The following TSHZ3 variants were observed in gnomAD, a reference collection of about 807,000 sequenced individuals.
TSHZ3 encodes teashirt homolog 3.
In TSHZ3, 10 loss-of-function variants were observed where a neutral mutation model predicts 64.5. That is an observed-to-expected ratio of 0.16 (90% CI 0.10 to 0.26). The LOEUF (loss-of-function observed/expected upper bound fraction) is 0.26. Ranked by LOEUF, TSHZ3 falls within the 10% of genes least tolerant of loss-of-function variation. The pLI, the probability that TSHZ3 is intolerant of heterozygous loss-of-function variation, is 1.00. For missense variants in TSHZ3, 1,242 were observed against 1,421.7 expected, an observed-to-expected ratio of 0.87 and a Z score of 2.03; for synonymous variants, 608 against 593.1, an observed-to-expected ratio of 1.03 and a Z score of -0.36.
Position 31,257,550 on chromosome 19 carries a change from TG to T in TSHZ3, n.64-14676del, listed in dbSNP as rs1975928262. ...CCCAGGACCCCTCTGGAGGACCCCG[TG>T]AAATGACTCCAAATTATCCACTCTG... On this transcript the variant is annotated intron_variant and non_coding_transcript_variant, in intron 1 of 6. Coordinates refer to the TSHZ3 transcript ENST00000651361. Among the ~76,000 whole-genome samples, 5 of 152,300 alleles carry T rather than the reference TG, an allele frequency of 3.3e-5. No homozygotes were observed. In the South Asian group the frequency reaches 1.0e-3, roughly 32 times the overall value.
intron 1 of TSHZ3, among the ~76,000 whole-genome samples, chr19:31,268,745 TC>T (rs1326520680): frequency 6.6e-6 from 1 of 152,118 alleles, no homozygotes; most frequent in Non-Finnish European, 1.5e-5. Flanking sequence ...GCCTCTGCTT[TC>T]TTGGGTTGCC....
intron 4 of TSHZ3, among the ~76,000 whole-genome samples, chr19:31,226,977 CTT>C (rs3030229): frequency 1.4e-4 from 9 of 65,672 alleles, no homozygotes; most frequent in South Asian, 1.3e-3. Context: ...TTCTTTCTTT[CTT>C]TTTTTTTTTT....
chr19:31,163,132 T>G (rs1974391496), intron 5 of TSHZ3, among the ~76,000 whole-genome samples: 1 of 152,214 alleles, frequency 6.6e-6, no homozygotes, highest in Admixed American at 6.5e-5. Context: ...CTAGTGGGCC[T>G]TACAGAAAGG....
At chr19:31,180,697 C>T (rs950376697) in intron 5 of TSHZ3, among the ~76,000 whole-genome samples, 3 of 152,236 alleles carry the variant, frequency 2.0e-5, no homozygotes, top group Admixed American at 2.0e-4. Flanking sequence ...GGGCATGTCA[C>T]AGATGTTCCT....
At chr19:31,290,218 A>G (rs1376797255) in intron 1 of TSHZ3, among the ~76,000 whole-genome samples, 2 of 152,284 alleles carry the variant, frequency 1.3e-5, no homozygotes, top group East Asian at 2.0e-4. Flanking sequence ...TGTGAGGGAT[A>G]GACAGACAGG....
At chr19:31,153,256 A>G (rs1974264103) in intron 6 of TSHZ3, among the ~76,000 whole-genome samples, 1 of 152,228 alleles carries the variant, frequency 6.6e-6, no homozygotes, top group Non-Finnish European at 1.5e-5. Flanking sequence ...TGTTTAGGAA[A>G]AAATATAACA....
At position 31,278,710 on chromosome 19, in the gene TSHZ3, C is replaced by T. The variant is rs142807470; in HGVS notation, c.1083G>A (p.Thr361=). 2.4e-4 allele frequency: 382 copies of T among 1,614,070 alleles called. No homozygotes were observed. Among genetic ancestry groups the T allele is most frequent in the Non-Finnish European group, 3.1e-4 (361 of 1,180,036 alleles). ...ALQKNSNPYI[T]PNNRYGHQNG... is the part of the protein sequence containing the mutation. Reference sequence around the variant, plus strand: ...TCTGGTGGCCGTACCGATTATTTGGCGTGATGTAAGGGTTGGAGTTCTTCT... The same window carrying T: ...TCTGGTGGCCGTACCGATTATTTGGTGTGATGTAAGGGTTGGAGTTCTTCT... The change falls in exon 2 of 2, where the codon ACG becomes ACA. Residue 361 remains threonine, a synonymous_variant. Coordinates refer to ENST00000240587, the MANE Select transcript of TSHZ3 (RefSeq NM_020856.4). The surrounding 1 kb of genome is among the most constrained non-coding windows in gnomAD (Gnocchi z 4.7).
intron 1 of TSHZ3, among the ~76,000 whole-genome samples, chr19:31,305,025 C>A (rs757970963): frequency 6.6e-6 from 1 of 152,130 alleles, no homozygotes; most frequent in Non-Finnish European, 1.5e-5. Context: ...TAAAATTAAG[C>A]AAAATTGTAA....
intron 1 of TSHZ3, among the ~76,000 whole-genome samples, chr19:31,340,521 G>A (rs1170849235): frequency 2.6e-5 from 4 of 151,788 alleles, no homozygotes; most frequent in Non-Finnish European, 5.9e-5. Context: ...AGGGGTGGGC[G>A]GCGGGCAGGG....
intron 4 of TSHZ3, chr19:31,207,615 T>C (rs1357765476): frequency 6.6e-6 from 1 of 152,194 alleles, no homozygotes; most frequent in Non-Finnish European, 1.5e-5. Context: ...ATGTCTAATA[T>C]TACAATGGAA....
intron 6 of TSHZ3, among the ~76,000 whole-genome samples, chr19:31,154,189 C>A (rs1254125214): frequency 1.3e-5 from 2 of 152,190 alleles, no homozygotes; most frequent in East Asian, 3.8e-4. Flanking sequence ...AGAGCCCCAC[C>A]CGTAGGTGCC....
chr19:31,329,669 G>A (rs1917021879), intron 1 of TSHZ3, among the ~76,000 whole-genome samples: 1 of 152,204 alleles, frequency 6.6e-6, no homozygotes, highest in Non-Finnish European at 1.5e-5. Flanking sequence ...CTGAATATCG[G>A]AAGATGCATT....
At chr19:31,334,110 G>A (rs969577072) in intron 1 of TSHZ3, among the ~76,000 whole-genome samples, 3 of 152,028 alleles carry the variant, frequency 2.0e-5, no homozygotes, top group Non-Finnish European at 2.9e-5. Context: ...AGCTGACTAC[G>A]TGTTTGTTCT....
chr19:31,348,819 A>C, intron 1 of TSHZ3: 1 of 235,792 alleles, frequency 4.2e-6, no homozygotes, highest in African/African-American at 2.3e-5. Flanking sequence ...GAGGACGCGG[A>C]AGATGTCCCG....
intron 1 of TSHZ3, among the ~76,000 whole-genome samples, chr19:31,316,995 G>A (rs983924878): frequency 6.6e-6 from 1 of 152,112 alleles, no homozygotes; most frequent in African/African-American, 2.4e-5. Flanking sequence ...TAAGGGCCTG[G>A]CACCTTCTAT....
intron 1 of TSHZ3, among the ~76,000 whole-genome samples, chr19:31,342,870 GAGGGC>G (rs1917477670): frequency 6.6e-6 from 1 of 152,244 alleles, no homozygotes; most frequent in Admixed American, 6.5e-5. Context: ...GTGGAAGGGA[GAGGGC>G]AGCCAATCCA....
intron 1 of TSHZ3, among the ~76,000 whole-genome samples, chr19:31,262,577 A>G (rs966147864): frequency 4.6e-5 from 7 of 152,020 alleles, no homozygotes; most frequent in Non-Finnish European, 8.8e-5. Context: ...TTCACTTTGT[A>G]AAAAAAATAT....
At chr19:31,192,595 A>G (rs1212205971) in intron 5 of TSHZ3, among the ~76,000 whole-genome samples, 1 of 152,152 alleles carries the variant, frequency 6.6e-6, no homozygotes, top group Middle Eastern at 3.2e-3. Flanking sequence ...TTCTGTTAGT[A>G]TTGTAGTATA....
exon 7 of TSHZ3, among the ~76,000 whole-genome samples, chr19:31,150,190 C>T (rs1483200518): frequency 1.3e-5 from 2 of 152,148 alleles, no homozygotes; most frequent in South Asian, 2.1e-4. Context: ...AGAAAACGCC[C>T]GGGTTGCTGA....
Sources: allele counts gnomAD v4.1 joint callset (sites outside exome capture counted in the v4.1 genomes callset), GRCh38; gene constraint gnomAD v4.1.1; non-coding constraint Gnocchi (gnomAD v3.1); transcripts MANE v1.5; gene names NCBI Gene and HGNC (gene_info 2026-07-23, HGNC 2026-07-21).